The following ACYP2 variants were observed in gnomAD, a reference collection of about 807,000 sequenced individuals.
The protein encoded by ACYP2 is acylphosphatase 2, also known as acylphosphatase-2.
ACYP2 carries 12 observed loss-of-function variants against 11.2 expected under a neutral mutation model. That is an observed-to-expected ratio of 1.08 (90% CI 0.69 to 1.74). The LOEUF is 1.74. Among genes scored for constraint, ACYP2 ranks in the 40% most tolerant of loss-of-function variants. The pLI is 0.00. For missense variants in ACYP2, 134 were observed against 101.9 expected (o/e 1.31, Z -1.35); for synonymous variants, 43 against 32.2 (o/e 1.33, Z -1.13).
At chr2:54,093,733 G>A (rs914896290) in intron 4 of ACYP2, among the ~76,000 whole-genome samples, 1 of 152,236 alleles carries the variant, frequency 6.6e-6, no homozygotes, top group African/African-American at 2.4e-5. Context: ...GAGGTCAGGA[G>A]ATCAAGACCA....
intron 6 of ACYP2, among the ~76,000 whole-genome samples, chr2:54,170,318 C>T (rs1683170084): frequency 1.3e-5 from 2 of 151,910 alleles, no homozygotes; most frequent in South Asian, 2.1e-4. Flanking sequence ...ATGCCTGGCT[C>T]ATTTTTGTAT....
At chr2:54,189,409 T>C (rs908966419) in intron 6 of ACYP2, among the ~76,000 whole-genome samples, 3 of 152,180 alleles carry the variant, frequency 2.0e-5, no homozygotes, top group Non-Finnish European at 4.4e-5. Context: ...GTAAGTGATA[T>C]CATGTAAAAA....
At chr2:54,278,919 C>G (rs1440845257) in intron 6 of ACYP2, among the ~76,000 whole-genome samples, 1 of 152,154 alleles carries the variant, frequency 6.6e-6, no homozygotes, top group Non-Finnish European at 1.5e-5. Context: ...GGAAGAATGA[C>G]ATTTGTCCAG....
At chr2:53,983,465 C>T (rs1671865637) in intron 2 of ACYP2, among the ~76,000 whole-genome samples, 1 of 152,112 alleles carries the variant, frequency 6.6e-6, no homozygotes, top group Non-Finnish European at 1.5e-5. Context: ...GTGATTGCAC[C>T]ACTGCCCTCC....
At chr2:54,281,127 C>A (rs1023982343) in intron 6 of ACYP2, among the ~76,000 whole-genome samples, 1 of 152,162 alleles carries the variant, frequency 6.6e-6, no homozygotes, top group Non-Finnish European at 1.5e-5. Flanking sequence ...AAGCACTATT[C>A]AAAACCAGAT....
intron 6 of ACYP2, chr2:54,267,301 C>A (rs1047337270): frequency 6.5e-7 from 1 of 1,548,690 alleles, no homozygotes; most frequent in Non-Finnish European, 8.7e-7. Flanking sequence ...AATAGGAATT[C>A]ATCAGCTCCG....
chr2:54,162,896 G>A (rs1682784994), intron 6 of ACYP2, among the ~76,000 whole-genome samples: 1 of 152,186 alleles, frequency 6.6e-6, no homozygotes, highest in Admixed American at 6.5e-5. Context: ...ACTAAGGTGG[G>A]AGGATTGCTT....
intron 2 of ACYP2, among the ~76,000 whole-genome samples, chr2:54,032,678 T>A (rs1487496809): frequency 1.3e-5 from 2 of 152,196 alleles, no homozygotes; most frequent in African/African-American, 4.8e-5. Flanking sequence ...CATTGGTAGC[T>A]TGATGGGGAT....
intron 6 of ACYP2, among the ~76,000 whole-genome samples, chr2:54,278,641 C>T (rs1186884745): frequency 6.6e-6 from 1 of 152,034 alleles, no homozygotes; most frequent in Non-Finnish European, 1.5e-5. Context: ...GACAGTTTGC[C>T]GATTCTGCTT....
chr2:54,201,676 TTC>T (rs1486016816), intron 6 of ACYP2, among the ~76,000 whole-genome samples: 3 of 108,806 alleles, frequency 2.8e-5, no homozygotes, highest in African/African-American at 7.3e-5. Flanking sequence ...CTTTCTTTCT[TTC>T]TTTCTCTCTC....
intron 2 of ACYP2, among the ~76,000 whole-genome samples, chr2:54,039,766 T>C (rs1447170182): frequency 6.6e-6 from 1 of 151,880 alleles, no homozygotes; most frequent in Non-Finnish European, 1.5e-5. Flanking sequence ...TCTTCTTGAA[T>C]TTATGTTTTT....
At chr2:54,062,942 C>A (rs868170237) in intron 4 of ACYP2, among the ~76,000 whole-genome samples, 1 of 152,046 alleles carries the variant, frequency 6.6e-6, no homozygotes, top group South Asian at 2.1e-4. Context: ...CTTAAGAATT[C>A]GACTATTTAA....
chr2:54,129,292 A>G (rs1680750299), intron 4 of ACYP2, among the ~76,000 whole-genome samples: 1 of 152,084 alleles, frequency 6.6e-6, no homozygotes, highest in Non-Finnish European at 1.5e-5. Context: ...AGAGATTTTT[A>G]ATTAAAATTT....
chr2:54,021,226 T>A (rs1240203021), intron 2 of ACYP2, among the ~76,000 whole-genome samples: 1 of 152,150 alleles, frequency 6.6e-6, no homozygotes, highest in Non-Finnish European at 1.5e-5. Context: ...CTCGGGATGA[T>A]TCAGGTCAGA....
chr2:54,105,598 C>CT (rs1177590625), intron 4 of ACYP2, among the ~76,000 whole-genome samples: 2 of 152,062 alleles, frequency 1.3e-5, no homozygotes, highest in African/African-American at 2.4e-5. Context: ...TCCCAAGTAG[C>CT]TGGGACTACA....
At chr2:54,063,860 G>A (rs12620667) in intron 4 of ACYP2, among the ~76,000 whole-genome samples, 15,732 of 152,190 alleles carry the variant, frequency 0.1, 939 homozygotes, top group East Asian at 0.28. Context: ...GGTGGTGAAA[G>A]GGGCATTCTA....
chr2:54,178,784 G>A (rs932634543), intron 6 of ACYP2, among the ~76,000 whole-genome samples: 1 of 152,148 alleles, frequency 6.6e-6, no homozygotes, highest in African/African-American at 2.4e-5. Flanking sequence ...CTAAGAGTAG[G>A]GTTTTAAGGA....
chr2:54,024,836 C>G (rs1674193687), intron 2 of ACYP2, among the ~76,000 whole-genome samples: 1 of 152,140 alleles, frequency 6.6e-6, no homozygotes, highest in South Asian at 2.1e-4. Flanking sequence ...ACCTAGAAAA[C>G]TGTAAAGACT....
At chr2:54,274,901 C>T (rs1367046083) in intron 6 of ACYP2, among the ~76,000 whole-genome samples, 2 of 152,176 alleles carry the variant, frequency 1.3e-5, no homozygotes, top group South Asian at 2.1e-4. Flanking sequence ...TTTTGTGCTA[C>T]CACATTAAAC....
Sources: gnomAD v4.1 joint callset for allele counts (sites outside exome capture counted in the v4.1 genomes callset) on GRCh38, gnomAD v4.1.1 for gene constraint, MANE v1.5 for transcripts, NCBI Gene and HGNC (gene_info 2026-07-23, HGNC 2026-07-21) for gene names.